ARHGAP44: variants seen among roughly 807,000 people sequenced by gnomAD.
The protein encoded by ARHGAP44 is rho GTPase-activating protein 44.
A neutral mutation model predicts 106.8 loss-of-function variants in ARHGAP44; 43 were observed. The ratio of observed to expected loss-of-function variants is 0.40; its 90% confidence interval spans 0.32 to 0.52. The LOEUF (loss-of-function observed/expected upper bound fraction) is 0.52, where lower values mean the gene tolerates loss of function less well. Among genes scored for constraint, ARHGAP44 ranks in the 20% least tolerant of loss-of-function variants. The pLI is 0.48. For missense variants in ARHGAP44, 866 were observed against 1,050.5 expected (o/e 0.82, Z 2.43); for synonymous variants, 439 against 410.3 (o/e 1.07, Z -0.85).
intron 5 of ARHGAP44, among the ~76,000 whole-genome samples, chr17:12,916,333 G>A (rs1452407220): frequency 2.0e-5 from 3 of 151,658 alleles, no homozygotes; most frequent in Admixed American, 1.3e-4. Flanking sequence ...CTTCAGTGCT[G>A]TGAACAGCAG....
intron 1 of ARHGAP44, among the ~76,000 whole-genome samples, chr17:12,794,209 C>T (rs1272905520): frequency 6.6e-6 from 1 of 151,986 alleles, no homozygotes; most frequent in Non-Finnish European, 1.5e-5. Flanking sequence ...TGGAGCAAAG[C>T]CCTGAGCTAA....
intron 18 of ARHGAP44, among the ~76,000 whole-genome samples, chr17:12,976,509 A>T (rs1257075949): frequency 6.7e-6 from 1 of 149,368 alleles, no homozygotes; most frequent in Non-Finnish European, 1.5e-5. Context: ...GCTACTCAGG[A>T]GGCTGAGGCA....
chr17:12,964,644 C>T (rs1042938140), intron 16 of ARHGAP44, among the ~76,000 whole-genome samples: 4 of 152,054 alleles, frequency 2.6e-5, no homozygotes, highest in African/African-American at 4.8e-5. Flanking sequence ...ATGAGCTGGG[C>T]GTGGTGGCAG....
At chr17:12,865,696 G>A (rs1403594221) in intron 1 of ARHGAP44, among the ~76,000 whole-genome samples, 1 of 151,886 alleles carries the variant, frequency 6.6e-6, no homozygotes, top group Admixed American at 6.6e-5. Flanking sequence ...GGCTGAGGCA[G>A]GAGAATGGCG....
intron 7 of ARHGAP44, among the ~76,000 whole-genome samples, chr17:12,939,107 C>T (rs767550160): frequency 7.2e-5 from 11 of 152,138 alleles, no homozygotes; most frequent in East Asian, 1.9e-4. Flanking sequence ...AAAGCTGCTG[C>T]GGGGAAGACA....
chr17:12,882,896 T>G (rs2036780689), intron 1 of ARHGAP44, among the ~76,000 whole-genome samples: 1 of 152,072 alleles, frequency 6.6e-6, no homozygotes, highest in African/African-American at 2.4e-5. Context: ...CCAGTTATGC[T>G]TGTTTCTCAG....
intron 19 of ARHGAP44, 26 bp from the exon 20 acceptor site, chr17:12,984,504 GT>G: frequency 6.6e-7 from 1 of 1,504,948 alleles, no homozygotes. Context: ...TTTGTGTTTT[GT>G]TGTTGTGTTG....
chr17:12,943,776 C>T (rs2038768177), intron 9 of ARHGAP44, 107 bp downstream of exon 9: 1 of 1,217,022 alleles, frequency 8.2e-7, no homozygotes, highest in Non-Finnish European at 1.2e-6. Flanking sequence ...TGCCCAACAG[C>T]ATCACCTGTA....
intron 16 of ARHGAP44, among the ~76,000 whole-genome samples, chr17:12,962,271 C>T (rs2039281986): frequency 6.6e-6 from 1 of 152,088 alleles, no homozygotes; most frequent in Non-Finnish European, 1.5e-5. Flanking sequence ...CCTCGCGACT[C>T]TGGGCTTTGG....
intron 1 of ARHGAP44, among the ~76,000 whole-genome samples, chr17:12,794,452 C>T (rs947462488): frequency 5.3e-5 from 8 of 152,140 alleles, no homozygotes; most frequent in Non-Finnish European, 1.2e-4. Context: ...ATAATGTTGG[C>T]CTCCTAAGTA....
intron 10 of ARHGAP44, among the ~76,000 whole-genome samples, chr17:12,946,732 C>T (rs757865296): frequency 2.0e-5 from 3 of 150,370 alleles, no homozygotes; most frequent in South Asian, 2.1e-4. Context: ...ACTGGGGAAG[C>T]GGAGGTTGCA....
chr17:12,918,109 G>A (rs1264495236), intron 5 of ARHGAP44, among the ~76,000 whole-genome samples: 1 of 152,196 alleles, frequency 6.6e-6, no homozygotes, highest in Admixed American at 6.5e-5. Flanking sequence ...CAAAAGGAGG[G>A]TCCCGGGTCT....
At chr17:12,815,507 T>C (rs917359188) in intron 1 of ARHGAP44, among the ~76,000 whole-genome samples, 2 of 152,212 alleles carry the variant, frequency 1.3e-5, no homozygotes, top group African/African-American at 2.4e-5. Flanking sequence ...GAGAATGTTA[T>C]GATCCCTGAG....
intron 7 of ARHGAP44, 89 bp downstream of exon 7, chr17:12,929,135 C>CT: frequency 8.1e-7 from 1 of 1,229,650 alleles, no homozygotes; most frequent in Non-Finnish European, 1.2e-6. Flanking sequence ...TCTTAAAACT[C>CT]TGTCAGTGAG....
At chr17:12,896,217 C>T (rs2037199370) in intron 2 of ARHGAP44, among the ~76,000 whole-genome samples, 190 bp from the exon 3 acceptor site, 1 of 151,978 alleles carries the variant, frequency 6.6e-6, no homozygotes, top group African/African-American at 2.4e-5. Flanking sequence ...ATGTAACAAA[C>T]CTACACATTG....
intron 16 of ARHGAP44, among the ~76,000 whole-genome samples, chr17:12,971,920 A>T (rs1162306800): frequency 6.6e-6 from 1 of 152,120 alleles, no homozygotes; most frequent in Non-Finnish European, 1.5e-5. Context: ...CACTCCCCAT[A>T]TTTCCTTAAA....
At chr17:12,923,798 C>A (rs1241246576) in intron 6 of ARHGAP44, among the ~76,000 whole-genome samples, 1 of 152,158 alleles carries the variant, frequency 6.6e-6, no homozygotes, top group Non-Finnish European at 1.5e-5. Context: ...CAACTTCCTG[C>A]CATTTTCCCT....
chr17:12,989,538 C>T (rs1209108068), intron 20 of ARHGAP44, among the ~76,000 whole-genome samples: 1 of 152,180 alleles, frequency 6.6e-6, no homozygotes, highest in African/African-American at 2.4e-5. Context: ...CCTTCTACTC[C>T]ACCCATGTCA....
At chr17:12,975,341 G>A (rs905341706) in intron 18 of ARHGAP44, among the ~76,000 whole-genome samples, 1 of 151,912 alleles carries the variant, frequency 6.6e-6, no homozygotes, top group African/African-American at 2.4e-5. Context: ...CCGCTAAAAT[G>A]GGTGCAAGTC....
Sources: gnomAD v4.1 joint callset for allele counts (sites outside exome capture counted in the v4.1 genomes callset) on GRCh38, gnomAD v4.1.1 for gene constraint, MANE v1.5 for transcripts, NCBI Gene and HGNC (gene_info 2026-07-23, HGNC 2026-07-21) for gene names.